Variants in SSUH2 observed in about 807,000 individuals in gnomAD.
SSUH2 encodes ssu-2 homolog, also known as protein SSUH2 homolog.
In SSUH2, 47 loss-of-function variants were observed where a neutral mutation model predicts 55.3. The ratio of observed to expected loss-of-function variants is 0.85; its 90% CI spans 0.67 to 1.08. SSUH2 has a LOEUF of 1.08. Ranked by LOEUF, SSUH2 falls within the 50% of genes least tolerant of loss-of-function variation. SSUH2 has a pLI of 0.00. For synonymous variants in SSUH2, 212 were observed against 191.5 expected (o/e 1.11, Z -0.89); for missense variants, 535 against 490.7 (o/e 1.09, Z -0.85).
At chr3:8,674,131 G>A (rs1704943510) in intron 3 of SSUH2, among the ~76,000 whole-genome samples, 1 of 152,242 alleles carries the variant, frequency 6.6e-6, no homozygotes, top group Admixed American at 6.5e-5. Context: ...GCGAGGAAAA[G>A]CGCAAAGAGA....
intron 7 of SSUH2, among the ~76,000 whole-genome samples, chr3:8,653,989 G>A (rs1443060844): frequency 6.6e-6 from 1 of 152,206 alleles, no homozygotes; most frequent in African/African-American, 2.4e-5. Context: ...TCAAACAGCA[G>A]GCACTTGTAT....
intron 4 of SSUH2, 102 bp from the exon 5 acceptor site, chr3:8,632,211 AC>A: frequency 1.1e-6 from 1 of 950,004 alleles, no homozygotes; most frequent in Non-Finnish European, 1.7e-6. Flanking sequence ...CAGTGGGGAA[AC>A]TGAGAGGTCC....
chr3:8,649,224 C>T (rs984770903), upstream of SSUH2, among the ~76,000 whole-genome samples: 1 of 152,202 alleles, frequency 6.6e-6, no homozygotes, highest in Non-Finnish European at 1.5e-5. Context: ...TTCCCAAGAA[C>T]GCTGCCTGCA....
rs1229017944 is a variant in SSUH2 at position 8,678,124 on chromosome 3, C to T, written c.-900-771G>A. Among the ~76,000 whole-genome samples the T allele has an allele frequency of 1.3e-5, 2 of 152,066 alleles. 1 individual carries two copies. The highest frequency in any genetic ancestry group is 2.9e-5 in the Non-Finnish European group (2 of 68,008). ...ATATTGAAAGTAATATCATCTTCTT[C>T]CCTCCAGGATCGTGGGAACAACATC... On this transcript the variant is annotated intron_variant, in intron 2 of 18. Coordinates refer to the SSUH2 transcript ENST00000317371.
At chr3:8,658,745 G>GA (rs763703847) in intron 7 of SSUH2, among the ~76,000 whole-genome samples, 12 of 152,108 alleles carry the variant, frequency 7.9e-5, no homozygotes, top group Admixed American at 4.6e-4. Context: ...AAACAGAGAA[G>GA]AAAAAAAGCC....
intron 3 of SSUH2, among the ~76,000 whole-genome samples, chr3:8,673,577 G>C (rs62244229): frequency 6.6e-6 from 1 of 152,160 alleles, no homozygotes; most frequent in Admixed American, 6.5e-5. Context: ...CTGTTATCCA[G>C]ACCCACAACC....
At chr3:8,633,349 A>T (rs1575127725) in intron 4 of SSUH2, among the ~76,000 whole-genome samples, 1 of 152,054 alleles carries the variant, frequency 6.6e-6, no homozygotes, top group East Asian at 1.9e-4. Flanking sequence ...TCACCATGTT[A>T]GTCAGGCTGG....
Position 8,673,371 on chromosome 3 carries a change from G to A in SSUH2, c.-752-1336C>T, listed in dbSNP as rs539640750. Reference sequence around the variant, plus strand: ...GCGCCATTCCACCCCTCCCTCGGCTGCTCGTTTACGATGCAAAACGGGGAT... The same window carrying A: ...GCGCCATTCCACCCCTCCCTCGGCTACTCGTTTACGATGCAAAACGGGGAT... On this transcript the variant is annotated intron_variant, in intron 3 of 18. Transcript: ENST00000317371. 7.9e-5 allele frequency among the ~76,000 whole-genome samples: 12 copies of A among 152,136 alleles called. No individual in the cohort carries two copies. In the South Asian group the frequency reaches 2.5e-3, roughly 32 times the overall value.
upstream of SSUH2, among the ~76,000 whole-genome samples, chr3:8,648,685 G>A (rs1267665447): frequency 2.0e-5 from 3 of 152,132 alleles, no homozygotes; most frequent in African/African-American, 7.2e-5. Flanking sequence ...CCAGGCCACA[G>A]TGCCCCTTCC....
At chr3:8,658,417 G>A (rs1017916738) in intron 7 of SSUH2, among the ~76,000 whole-genome samples, 2 of 152,218 alleles carry the variant, frequency 1.3e-5, no homozygotes, top group Non-Finnish European at 2.9e-5. Flanking sequence ...CAGGGCAGCT[G>A]GTCCCCAAGG....
At chr3:8,649,208 GTCT>G (rs968557505), upstream of SSUH2, among the ~76,000 whole-genome samples, 6 of 152,160 alleles carry the variant, frequency 3.9e-5, no homozygotes, top group African/African-American at 1.4e-4. Flanking sequence ...CCTCCTCAAA[GTCT>G]TCTTCCCAAG....
Position 8,627,776 on chromosome 3 carries a change from C to T in SSUH2, c.596G>A (p.Cys199Tyr). 6.2e-7 allele frequency: 1 copy of T among 1,609,906 alleles called. No homozygotes were observed. The highest frequency in any genetic ancestry group is 8.5e-7 in the Non-Finnish European group (1 of 1,178,238). ...GCGCTTGGCTCCGCAGCAGGATGGG[C>T]ACCGCACCTGCAGACACACCACTGC... ...SGCHGAGTVR[C>Y]PSCCGAKRKA... The change falls in exon 8 of 12, where the codon TGC becomes TAC. Residue 199 changes from cysteine (C) to tyrosine (Y), a missense_variant. Coordinates refer to ENST00000544814, the MANE Select transcript of SSUH2 (RefSeq NM_001256748.3).
intron 3 of SSUH2, among the ~76,000 whole-genome samples, chr3:8,674,033 C>A (rs1263214551): frequency 6.6e-6 from 1 of 152,234 alleles, no homozygotes; most frequent in Non-Finnish European, 1.5e-5. Context: ...AAGAAAACTG[C>A]AGAAGCAGGC....
chr3:8,648,570 C>T (rs181097149), upstream of SSUH2, among the ~76,000 whole-genome samples: 1 of 152,056 alleles, frequency 6.6e-6, no homozygotes, highest in South Asian at 2.1e-4. Context: ...GGTGCCCCCC[C>T]ATCCTGAAGT....
At chr3:8,662,083 C>T (rs972499426) in intron 6 of SSUH2, among the ~76,000 whole-genome samples, 3 of 152,286 alleles carry the variant, frequency 2.0e-5, no homozygotes, top group South Asian at 2.1e-4. Context: ...ATAAATTATC[C>T]GGTCTCAGGT....
At chr3:8,640,635 A>G (rs939221337) in intron 1 of SSUH2, among the ~76,000 whole-genome samples, 1 of 152,194 alleles carries the variant, frequency 6.6e-6, no homozygotes, top group Non-Finnish European at 1.5e-5. Context: ...AAAAGGAAGG[A>G]AAGAGACAAG....
intron 4 of SSUH2, among the ~76,000 whole-genome samples, chr3:8,671,353 C>T (rs961363766): frequency 3.9e-5 from 6 of 151,984 alleles, no homozygotes; most frequent in African/African-American, 1.2e-4. Flanking sequence ...TAGAATATGA[C>T]GATAATATCA....
chr3:8,670,710 G>A (rs1025653452), intron 5 of SSUH2, among the ~76,000 whole-genome samples: 2 of 151,898 alleles, frequency 1.3e-5, no homozygotes, highest in Admixed American at 1.3e-4. Context: ...CATCTCTTTA[G>A]GATATCACAA....
chr3:8,641,959 G>A (rs1448651057), intron 1 of SSUH2, among the ~76,000 whole-genome samples: 2 of 152,194 alleles, frequency 1.3e-5, no homozygotes, highest in Non-Finnish European at 2.9e-5. Context: ...TGGTGATGGC[G>A]ATGTGGCCCC....
Sources: allele counts gnomAD v4.1 joint callset (sites outside exome capture counted in the v4.1 genomes callset), GRCh38; gene constraint gnomAD v4.1.1; transcripts MANE v1.5; gene names NCBI Gene and HGNC (gene_info 2026-07-23, HGNC 2026-07-21).